The following GALNT17 variants were observed in gnomAD, a reference collection of about 807,000 sequenced individuals.
The protein encoded by GALNT17 is UDP-GalNAc:polypeptide N-acetylgalactosaminyltransferase-like 3.
GALNT17 carries 29 observed loss-of-function variants against 63.7 expected under a neutral mutation model. The observed-to-expected ratio is 0.46, with a 90% CI of 0.34 to 0.62. The LOEUF (loss-of-function observed/expected upper bound fraction) is 0.62, where lower values mean the gene tolerates loss of function less well. Ranked by LOEUF, GALNT17 falls within the 20% of genes least tolerant of loss-of-function variation. The pLI, the probability that GALNT17 is intolerant of heterozygous loss-of-function variation, is 0.01. For missense variants in GALNT17, 603 were observed against 799.6 expected, an observed-to-expected ratio of 0.75 and a Z score of 2.97; for synonymous variants, 305 against 318.3, an observed-to-expected ratio of 0.96 and a Z score of 0.45.
At position 71,318,435 on chromosome 7, in the gene GALNT17, G is replaced by A. The variant is rs367783147; in HGVS notation, c.239-17115G>A. Among the ~76,000 whole-genome samples, 317 of 148,190 alleles carry A rather than the reference G, an allele frequency of 2.1e-3. 4 individuals carry two copies. Among genetic ancestry groups the A allele is most frequent in the African/African-American group, 7.6e-3 (302 of 39,706 alleles). ...TCTTTTTTTTTTGTGTGTGTGTGGGGGGTGGGATATAGTCTTGCTTTGTCA... is the reference window on the plus strand; with the variant it reads ...TCTTTTTTTTTTGTGTGTGTGTGGGAGGTGGGATATAGTCTTGCTTTGTCA... On this transcript the variant is annotated intron_variant, in intron 1 of 10. Coordinates refer to ENST00000333538, the MANE Select transcript of GALNT17 (RefSeq NM_022479.3).
intron 1 of GALNT17, among the ~76,000 whole-genome samples, chr7:71,308,776 C>T (rs1032954994): frequency 1.3e-5 from 2 of 150,224 alleles, no homozygotes; most frequent in Non-Finnish European, 3.0e-5. Flanking sequence ...CAGAGTCAAG[C>T]TCTGTTGCCC....
chr7:71,657,888 GGATGGATGGATGGA>G (rs1206972512), intron 6 of GALNT17, among the ~76,000 whole-genome samples: 347 of 22,658 alleles, frequency 0.015, 3 homozygotes, highest in Non-Finnish European at 0.014. Context: ...ATGGATGGAT[GGATGGATGGATGGA>G]TGGGTGGATG....
intron 1 of GALNT17, among the ~76,000 whole-genome samples, chr7:71,287,864 C>T (rs1198970053): frequency 1.3e-5 from 2 of 151,862 alleles, no homozygotes; most frequent in Non-Finnish European, 1.5e-5. Flanking sequence ...CCAGCCTGGC[C>T]AACATGGTGA....
intron 2 of GALNT17, among the ~76,000 whole-genome samples, chr7:71,351,671 TTCTCCTCTAGAGCCTTCAGAGGGTG>T (rs1792190869): frequency 6.6e-6 from 1 of 152,012 alleles, no homozygotes; most frequent in Non-Finnish European, 1.5e-5. Flanking sequence ...CAAGGAAGGA[TTCTCCTCTAGAGCCTTCAGAGGGTG>T]CATGCCCTTG....
At chr7:71,292,666 AGAGTGTGT>A (rs140489581) in intron 1 of GALNT17, among the ~76,000 whole-genome samples, 4,879 of 116,790 alleles carry the variant, frequency 0.042, 91 homozygotes, top group African/African-American at 0.077. Context: ...AGAGAGAGAG[AGAGTGTGT>A]GTGTGTGTGT....
chr7:71,327,042 C>T (rs182297501), intron 1 of GALNT17, among the ~76,000 whole-genome samples: 61 of 152,304 alleles, frequency 4.0e-4, no homozygotes, highest in African/African-American at 1.2e-3. Flanking sequence ...TGGCCTGAAG[C>T]TGGTTCTCCA....
chr7:71,406,819 A>G (rs1032576942), intron 3 of GALNT17, among the ~76,000 whole-genome samples: 6 of 150,794 alleles, frequency 4.0e-5, no homozygotes, highest in African/African-American at 1.2e-4. Context: ...TGCAACCTCT[A>G]CCTCAAGCTG....
rs188296647 is a variant in GALNT17 at position 71,425,514 on chromosome 7, G to A, written c.962+4409G>A. Among the ~76,000 whole-genome samples, 16 of 152,206 alleles carry A rather than the reference G, an allele frequency of 1.1e-4. No homozygotes were observed. In the East Asian group the frequency reaches 2.1e-3, roughly 20 times the overall value. On this transcript the variant is annotated intron_variant, in intron 5 of 10. Transcript: ENST00000333538. ...TAGGATTACAGGCGTGAGCCACTGC[G>A]CCTGGCCCAGAATTTTAAGAGAAGC... is the stretch of plus-strand genomic sequence containing the variant.
chr7:71,666,852 TC>T lies in GALNT17; in HGVS notation c.1266+1257del, dbSNP rs1471460581. Among the ~76,000 whole-genome samples, 5 of 152,370 alleles carry T rather than the reference TC, an allele frequency of 3.3e-5. No individual in the cohort carries two copies. In the South Asian group the frequency reaches 8.3e-4, roughly 25 times the overall value. Reference sequence around the variant, plus strand: ...CTTACTGGGCTTTTAAAAAATATTTTCAGTCTGCAGTTGGTTGAACCGATGG... The same window carrying T: ...CTTACTGGGCTTTTAAAAAATATTTTAGTCTGCAGTTGGTTGAACCGATGG... On this transcript the variant is annotated intron_variant, in intron 7 of 10. Coordinates refer to ENST00000333538, the MANE Select transcript of GALNT17 (RefSeq NM_022479.3).
chr7:71,236,944 G>C (rs1018665999), intron 1 of GALNT17, among the ~76,000 whole-genome samples: 1 of 152,176 alleles, frequency 6.6e-6, no homozygotes, highest in African/African-American at 2.4e-5. Flanking sequence ...TGTCCTTGAG[G>C]GAGATGCCTA....
chr7:71,552,342 G>T lies in GALNT17; in HGVS notation c.963-18943G>T, dbSNP rs867548492. 5.9e-5 allele frequency among the ~76,000 whole-genome samples: 9 copies of T among 152,062 alleles called. No individual in the cohort carries two copies. In the Middle Eastern group the frequency reaches 0.01, roughly 172 times the overall value. On this transcript the variant is annotated intron_variant, in intron 5 of 10. Transcript: ENST00000333538. ...TTACAGGCGTGAGCTGCTGTGCCTG[G>T]CATATAGCACTTGTTATATGCTAGG...
chr7:71,367,461 A>G (rs1281462476), intron 2 of GALNT17, among the ~76,000 whole-genome samples: 1 of 152,174 alleles, frequency 6.6e-6, no homozygotes, highest in African/African-American at 2.4e-5. Context: ...AAGGGAACCT[A>G]TTTGGTATAG....
rs1193860408 is a variant in GALNT17, at chr7:71,561,077, A to C, written c.963-10208A>C. ...GGCCAGGCTGGAGTGCAGTGGCATG[A>C]TCTTGGCTCACTGCAACCTCCACCT... On this transcript the variant is annotated intron_variant, in intron 5 of 10. Coordinates refer to ENST00000333538, the MANE Select transcript of GALNT17 (RefSeq NM_022479.3). Among the ~76,000 whole-genome samples the C allele has an allele frequency of 2.6e-5, 4 of 152,176 alleles. No homozygotes were observed. The East Asian group carries it at 7.8e-4, about 30-fold the overall frequency.
intron 2 of GALNT17, among the ~76,000 whole-genome samples, chr7:71,373,588 CAT>C (rs1792667150): frequency 6.6e-6 from 1 of 152,084 alleles, no homozygotes; most frequent in South Asian, 2.1e-4. Context: ...AGCTGCTCCC[CAT>C]CCCTCACTTG....
intron 5 of GALNT17, among the ~76,000 whole-genome samples, chr7:71,433,807 T>C (rs1375689519): frequency 1.3e-5 from 2 of 152,218 alleles, no homozygotes; most frequent in South Asian, 4.1e-4. Context: ...GATTGAAGGA[T>C]ACAAAGTATT....
chr7:71,216,686 A>G (rs1324117915), intron 1 of GALNT17, among the ~76,000 whole-genome samples: 1 of 152,076 alleles, frequency 6.6e-6, no homozygotes, highest in African/African-American at 2.4e-5. Flanking sequence ...ACACAAACAC[A>G]CACATATACA....
rs544012230 is a variant in GALNT17, at chr7:71,686,403, C to T, written c.1500+9097C>T. Among the ~76,000 whole-genome samples, 3 of 152,122 alleles carry T rather than the reference C, an allele frequency of 2.0e-5. No individual in the cohort carries two copies. In the East Asian group the frequency reaches 5.8e-4, roughly 29 times the overall value. ...TTAAAAAGATTTATTTTGTTAGAGA[C>T]AGCATCTCACTCTGTCACCCAGGCT... is the stretch of plus-strand genomic sequence containing the variant. On this transcript the variant is annotated intron_variant, in intron 9 of 10. Transcript: ENST00000333538.
intron 1 of GALNT17, among the ~76,000 whole-genome samples, chr7:71,214,008 C>T (rs1046888999): frequency 6.6e-6 from 1 of 152,210 alleles, no homozygotes; most frequent in African/African-American, 2.4e-5. Flanking sequence ...ACAGTTGTTA[C>T]TCTTTCCTTC....
rs141364058 is a variant in GALNT17, at chr7:71,603,400, C to T, written c.1080+31998C>T. The stretch of plus-strand genomic sequence containing the variant: ...CATACACTAGATACTATGTTAAGTG[C>T]GTACTCTGGATACTATGCTAAGTGC... On this transcript the variant is annotated intron_variant, in intron 6 of 10. Coordinates refer to ENST00000333538, the MANE Select transcript of GALNT17 (RefSeq NM_022479.3). Among the ~76,000 whole-genome samples the T allele has an allele frequency of 5.9e-5, 9 of 151,948 alleles. No individual in the cohort carries two copies. The South Asian group carries it at 6.2e-4, about 11-fold the overall frequency.
Sources: allele counts gnomAD v4.1 joint callset (sites outside exome capture counted in the v4.1 genomes callset), GRCh38; gene constraint gnomAD v4.1.1; transcripts MANE v1.5; gene names NCBI Gene and HGNC (gene_info 2026-07-23, HGNC 2026-07-21).